The following UTRN variants were observed in gnomAD, a reference collection of about 807,000 sequenced individuals.
UTRN encodes the protein dystrophin-related protein 1.
In UTRN, 283 loss-of-function variants were observed where a neutral mutation model predicts 463.9. That is an observed-to-expected ratio of 0.61 (90% CI 0.55 to 0.67). The LOEUF is 0.67. Among genes scored for constraint, UTRN ranks in the 30% least tolerant of loss-of-function variants. The pLI is 0.00. For missense variants in UTRN, 3,922 were observed against 4,084.3 expected, an observed-to-expected ratio of 0.96 and a Z score of 1.08; for synonymous variants, 1,442 against 1,431.5, an observed-to-expected ratio of 1.01 and a Z score of -0.17.
At chr6:144,746,567 C>T (rs572789210) in intron 54 of UTRN, among the ~76,000 whole-genome samples, 3 of 152,174 alleles carry the variant, frequency 2.0e-5, no homozygotes, top group African/African-American at 7.2e-5. Context: ...ACCTCCATCT[C>T]CTGGGTTCAA....
In UTRN at chr6:144,471,016, C is replaced by G. The variant is rs193226371; in HGVS notation, c.3067-2704C>G. On this transcript the variant is annotated intron_variant, in intron 23 of 74. Coordinates refer to ENST00000367545, the MANE Select transcript of UTRN (RefSeq NM_007124.3). ...GGCTCGGCATCAGAGGGAGACCGTG[C>G]AAAGGGGAGAGGGAGACGAGGGAGG... is the stretch of plus-strand genomic sequence containing the variant. Among the ~76,000 whole-genome samples, 950 of 128,930 alleles carry G rather than the reference C, an allele frequency of 7.4e-3. 17 individuals carry two copies. Among genetic ancestry groups the G allele is most frequent in the Middle Eastern group, 0.046 (12 of 260 alleles). 84.6% of individuals were successfully genotyped at this position (128,930 alleles called of 152,430 possible).
At chr6:144,736,987 G>A (rs980699420) in intron 54 of UTRN, among the ~76,000 whole-genome samples, 1 of 152,080 alleles carries the variant, frequency 6.6e-6, no homozygotes, top group African/African-American at 2.4e-5. Context: ...GTGTCTTCCT[G>A]GACGCTTTCC....
At position 144,428,862 on chromosome 6, in the gene UTRN, T is replaced by C. The variant is rs1454086197; in HGVS notation, c.663T>C (p.Tyr221=). The stretch of plus-strand genomic sequence containing the variant: ...ATGCCTTCAGCAAGGCTCAAACTTA[T>C]TTGGGAATTGAAAAGCTGTTAGATC... ...LEHAFSKAQT[Y]LGIEKLLDPE... The change falls in exon 8 of 75, where the codon TAT becomes TAC. Residue 221 remains tyrosine (Y), a synonymous_variant. Transcript: ENST00000367545. The C allele has an allele frequency of 1.2e-6, 2 of 1,609,108 alleles. No individual in the cohort carries two copies.
chr6:144,838,958 G>A, intron 71 of UTRN: 1 of 464,282 alleles, frequency 2.2e-6, no homozygotes, highest in Non-Finnish European at 3.8e-6. Context: ...GAGTCTGGCA[G>A]CATAACCAAG....
chr6:144,573,423 G>A (rs1299446027), intron 50 of UTRN, among the ~76,000 whole-genome samples: 1 of 151,924 alleles, frequency 6.6e-6, no homozygotes, highest in African/African-American at 2.4e-5. Flanking sequence ...GCTGGGTGTG[G>A]TGGCACATCC....
chr6:144,590,175 A>G (rs1011192724), intron 51 of UTRN, among the ~76,000 whole-genome samples: 3 of 152,156 alleles, frequency 2.0e-5, no homozygotes, highest in Non-Finnish European at 4.4e-5. Flanking sequence ...CTAGAAGTTT[A>G]AAAGTAAGGA....
chr6:144,433,905 G>T (rs1274705300), intron 9 of UTRN, among the ~76,000 whole-genome samples: 1 of 151,996 alleles, frequency 6.6e-6, no homozygotes, highest in African/African-American at 2.4e-5. Flanking sequence ...ACGATGGGCG[G>T]CCAGGCAGAG....
At chr6:144,792,972 A>G (rs1333129530) in intron 62 of UTRN, among the ~76,000 whole-genome samples, 1 of 152,178 alleles carries the variant, frequency 6.6e-6, no homozygotes. Flanking sequence ...AAACCTAAAA[A>G]CTGTATGAAA....
At chr6:144,499,818 C>G (rs533606350) in intron 34 of UTRN, among the ~76,000 whole-genome samples, 1 of 152,256 alleles carries the variant, frequency 6.6e-6, no homozygotes, top group Admixed American at 6.5e-5. Flanking sequence ...TTCTTTATGG[C>G]CTTGCGTACC....
rs12207034 is a variant in UTRN, at chr6:144,461,951, C to T, written c.2853+609C>T. On this transcript the variant is annotated intron_variant, in intron 22 of 74. Transcript: ENST00000367545. ...TATTTTAAGTTCAGGGGTACTTGTGCAGGATGTGCAGGTTTGTTAAATGGG... is the reference window on the plus strand; with the variant it reads ...TATTTTAAGTTCAGGGGTACTTGTGTAGGATGTGCAGGTTTGTTAAATGGG... Among the ~76,000 whole-genome samples, 914 of 152,020 alleles carry T rather than the reference C, an allele frequency of 6.0e-3. 1 individual carries two copies. Among genetic ancestry groups the T allele is most frequent in the Middle Eastern group, 0.024 (7 of 294 alleles).
chr6:144,764,142 G>C (rs894237968), intron 58 of UTRN, among the ~76,000 whole-genome samples: 1 of 152,128 alleles, frequency 6.6e-6, no homozygotes, highest in Non-Finnish European at 1.5e-5. Flanking sequence ...GGGGAGGTAA[G>C]AACAAAATTG....
At chr6:144,461,822 C>T (rs1440342935) in intron 22 of UTRN, among the ~76,000 whole-genome samples, 2 of 152,158 alleles carry the variant, frequency 1.3e-5, no homozygotes, top group African/African-American at 2.4e-5. Context: ...CTGTATTGCC[C>T]ACACACAACT....
Position 144,426,412 on chromosome 6 carries a change from C to T in UTRN, c.531C>T (p.Thr177=). ...AAGTCAACGTCCTCAACTTCACCAC[C>T]AGCTGGACAGATGGACTCGCCTTTA... ...YSQVNVLNFT[T]SWTDGLAFNA... Residue 177 remains threonine (T), a synonymous_variant, in exon 7 of 75, where the codon ACC becomes ACT. Coordinates refer to ENST00000367545, the MANE Select transcript of UTRN (RefSeq NM_007124.3). 1.2e-6 allele frequency: 2 copies of T among 1,614,118 alleles called. No individual in the cohort carries two copies. Among genetic ancestry groups the T allele is most frequent in the Non-Finnish European group, 1.7e-6 (2 of 1,180,024 alleles).
chr6:144,296,181 C>G (rs1308764424), intron 2 of UTRN, among the ~76,000 whole-genome samples: 1 of 152,216 alleles, frequency 6.6e-6, no homozygotes, highest in African/African-American at 2.4e-5. Flanking sequence ...CTGTTAGGGA[C>G]CAGGTGGCAC....
chr6:144,723,325 T>C (rs1787420329), intron 53 of UTRN, among the ~76,000 whole-genome samples: 1 of 152,220 alleles, frequency 6.6e-6, no homozygotes, highest in African/African-American at 2.4e-5. Context: ...CAGTTTAAGA[T>C]GAACAGATTG....
intron 50 of UTRN, among the ~76,000 whole-genome samples, chr6:144,562,121 T>G (rs1799979474): frequency 1.3e-5 from 2 of 152,166 alleles, no homozygotes. Flanking sequence ...AATTAAGCAT[T>G]TTCTGCCAAA....
intron 51 of UTRN, among the ~76,000 whole-genome samples, chr6:144,580,912 A>G (rs1801911265): frequency 6.6e-6 from 1 of 152,238 alleles, no homozygotes; most frequent in Admixed American, 6.5e-5. Flanking sequence ...AATAATTACC[A>G]GAAAGGAGAC....
intron 23 of UTRN, among the ~76,000 whole-genome samples, chr6:144,471,484 G>T (rs1418839932): frequency 6.6e-6 from 1 of 152,234 alleles, no homozygotes; most frequent in Admixed American, 6.5e-5. Context: ...GCAAGAATCT[G>T]TGGTGACAAG....
chr6:144,817,986 GT>G (rs1411212291), intron 65 of UTRN, among the ~76,000 whole-genome samples: 1 of 152,116 alleles, frequency 6.6e-6, no homozygotes, highest in Non-Finnish European at 1.5e-5. Context: ...GAAAGGGGTT[GT>G]TTTTGTTATT....
Sources: gnomAD v4.1 joint callset for allele counts (sites outside exome capture counted in the v4.1 genomes callset) on GRCh38, gnomAD v4.1.1 for gene constraint, MANE v1.5 for transcripts, NCBI Gene and HGNC (gene_info 2026-07-23, HGNC 2026-07-21) for gene names.